Variants in PTPRD observed in about 807,000 individuals in gnomAD.
The protein encoded by PTPRD is protein tyrosine phosphatase receptor type D.
In PTPRD, 34 loss-of-function variants were observed where a neutral mutation model predicts 214.5. The observed-to-expected ratio is 0.16, with a 90% CI of 0.12 to 0.21. The LOEUF (loss-of-function observed/expected upper bound fraction) is 0.21. Ranked by LOEUF, PTPRD falls within the 10% of genes least tolerant of loss-of-function variation. PTPRD has a pLI of 1.00. For synonymous variants in PTPRD, 1,128 were observed against 845.7 expected (o/e 1.33, Z -5.79); for missense variants, 2,545 against 2,398.7 (o/e 1.06, Z -1.27).
chr9:9,279,348 A>ATG (rs550569823), intron 9 of PTPRD, among the ~76,000 whole-genome samples: 88 of 147,742 alleles, frequency 6.0e-4, no homozygotes, highest in Non-Finnish European at 1.1e-3. Context: ...AAATTTATAT[A>ATG]TATATATATA....
At chr9:8,855,973 G>A (rs1215958934) in intron 11 of PTPRD, among the ~76,000 whole-genome samples, 1 of 152,156 alleles carries the variant, frequency 6.6e-6, no homozygotes, top group Non-Finnish European at 1.5e-5. Flanking sequence ...CCACAGAATT[G>A]CTAGCTCCAT....
chr9:9,453,710 C>G (rs2092588662), intron 8 of PTPRD, among the ~76,000 whole-genome samples: 1 of 151,614 alleles, frequency 6.6e-6, no homozygotes, highest in African/African-American at 2.4e-5. Flanking sequence ...GTAACATAAA[C>G]TAAAAGGTAA....
At chr9:10,341,341 C>T (rs1022721987) in intron 2 of PTPRD, among the ~76,000 whole-genome samples, 1 of 151,814 alleles carries the variant, frequency 6.6e-6, no homozygotes, top group Non-Finnish European at 1.5e-5. Context: ...CTTTGAAGCT[C>T]CAAGAATTGT....
intron 11 of PTPRD, among the ~76,000 whole-genome samples, chr9:8,850,366 T>C (rs553530532): frequency 6.7e-6 from 1 of 150,116 alleles, no homozygotes; most frequent in East Asian, 2.0e-4. Flanking sequence ...AATAAAAGAG[T>C]TTAGAATGGA....
In PTPRD at chr9:8,912,815, C is replaced by T. The variant is rs190391928; in HGVS notation, c.-104+105882G>A. On this transcript the variant is annotated intron_variant, in intron 11 of 45. Coordinates refer to ENST00000381196, the MANE Select transcript of PTPRD (RefSeq NM_002839.4). ...TTTGGCTTGTTGAATTTCTGTAGAACCCTGGTAAAGTTGCCACAGCTAAAC... is the reference window on the plus strand; with the variant it reads ...TTTGGCTTGTTGAATTTCTGTAGAATCCTGGTAAAGTTGCCACAGCTAAAC... 3.0e-3 allele frequency among the ~76,000 whole-genome samples: 454 copies of T among 152,068 alleles called. 1 individual carries two copies. The highest frequency in any genetic ancestry group is 0.011 in the African/African-American group (439 of 41,490).
intron 9 of PTPRD, among the ~76,000 whole-genome samples, chr9:9,332,027 T>A (rs1414718280): frequency 6.6e-6 from 1 of 152,070 alleles, no homozygotes; most frequent in Non-Finnish European, 1.5e-5. Flanking sequence ...TACATATTTG[T>A]TCCCTCTCTG....
Position 9,651,249 on chromosome 9 carries a change from TA to T in PTPRD, c.-286-76469del, listed in dbSNP as rs201725434. Among the ~76,000 whole-genome samples, 940 of 152,330 alleles carry T rather than the reference TA, an allele frequency of 6.2e-3. 8 individuals carry two copies. Among genetic ancestry groups the T allele is most frequent in the African/African-American group, 0.022 (907 of 41,570 alleles). ...TATAACACCAATAACATCTTTTTTT[TA>T]AACTTTTAAGTTCAAGGATACAAGT... On this transcript the variant is annotated intron_variant, in intron 7 of 45. Coordinates refer to ENST00000381196, the MANE Select transcript of PTPRD (RefSeq NM_002839.4).
At chr9:8,899,867 A>C (rs2098652645) in intron 11 of PTPRD, among the ~76,000 whole-genome samples, 1 of 152,236 alleles carries the variant, frequency 6.6e-6, no homozygotes, top group African/African-American at 2.4e-5. Flanking sequence ...AAATCTAGAC[A>C]TTCAAAGAGC....
At chr9:9,836,866 A>G (rs548083360) in intron 5 of PTPRD, among the ~76,000 whole-genome samples, 2 of 152,310 alleles carry the variant, frequency 1.3e-5, no homozygotes, top group Admixed American at 1.3e-4. Flanking sequence ...CAATAAATAG[A>G]AAACTACCAT....
intron 11 of PTPRD, among the ~76,000 whole-genome samples, chr9:9,008,675 T>C (rs931708563): frequency 1.3e-5 from 2 of 152,170 alleles, no homozygotes; most frequent in African/African-American, 4.8e-5. Flanking sequence ...AACAGTAGAA[T>C]TCTGGGTTAA....
At chr9:9,096,266 G>T (rs1184365306) in intron 10 of PTPRD, among the ~76,000 whole-genome samples, 2 of 152,176 alleles carry the variant, frequency 1.3e-5, no homozygotes, top group Admixed American at 6.5e-5. Flanking sequence ...TGCTGGATAT[G>T]TTAATTTGCT....
intron 9 of PTPRD, among the ~76,000 whole-genome samples, chr9:9,245,650 A>C (rs562532112): frequency 2.4e-4 from 37 of 152,274 alleles, no homozygotes; most frequent in Non-Finnish European, 4.1e-4. Flanking sequence ...GGATAGCATT[A>C]GGAGATATAC....
intron 3 of PTPRD, among the ~76,000 whole-genome samples, chr9:10,180,049 A>G (rs2099272975): frequency 7.1e-6 from 1 of 141,778 alleles, no homozygotes; most frequent in Non-Finnish European, 1.6e-5. Flanking sequence ...GAAGATAGAG[A>G]CTTACAATTT....
intron 5 of PTPRD, among the ~76,000 whole-genome samples, chr9:9,937,782 T>C (rs1281957517): frequency 6.6e-6 from 1 of 152,194 alleles, no homozygotes; most frequent in African/African-American, 2.4e-5. Flanking sequence ...ACCATGTAGT[T>C]CTTACAGTGT....
intron 9 of PTPRD, among the ~76,000 whole-genome samples, chr9:9,359,103 C>T (rs532251866): frequency 1.3e-5 from 2 of 151,452 alleles, no homozygotes; most frequent in Non-Finnish European, 3.0e-5. Context: ...TTGTCATTTT[C>T]AGAGTCAACA....
At chr9:8,817,498 G>A (rs2096944540) in intron 11 of PTPRD, among the ~76,000 whole-genome samples, 2 of 152,088 alleles carry the variant, frequency 1.3e-5, no homozygotes, top group Admixed American at 1.3e-4. Flanking sequence ...ATAGTAGTGT[G>A]CACCTGTAGT....
At chr9:10,223,604 C>A (rs2099578641) in intron 3 of PTPRD, among the ~76,000 whole-genome samples, 1 of 150,974 alleles carries the variant, frequency 6.6e-6, no homozygotes, top group Admixed American at 6.6e-5. Flanking sequence ...ACGGAGGTTG[C>A]ATTGAGCCAA....
At chr9:9,245,594 G>A (rs575232252) in intron 9 of PTPRD, among the ~76,000 whole-genome samples, 1 of 150,240 alleles carries the variant, frequency 6.7e-6, no homozygotes, top group South Asian at 2.1e-4. Flanking sequence ...ACAGGAAGGG[G>A]AACATCACAC....
intron 3 of PTPRD, among the ~76,000 whole-genome samples, chr9:10,165,076 G>C (rs1363339506): frequency 6.6e-6 from 1 of 151,480 alleles, no homozygotes; most frequent in Non-Finnish European, 1.5e-5. Context: ...CAGAACTAAA[G>C]AAATTCTCAG....
Sources: allele counts gnomAD v4.1 joint callset (sites outside exome capture counted in the v4.1 genomes callset), GRCh38; gene constraint gnomAD v4.1.1; transcripts MANE v1.5; gene names NCBI Gene and HGNC (gene_info 2026-07-23, HGNC 2026-07-21).